The following CHST12 variants were observed in gnomAD, a reference collection of about 807,000 sequenced individuals.
The protein encoded by CHST12 is carbohydrate (chondroitin 4) sulfotransferase 12.
In CHST12, 23 loss-of-function variants were observed where a neutral mutation model predicts 27.9. The observed-to-expected ratio is 0.82, with a 90% CI of 0.59 to 1.17. The LOEUF is 1.17. Ranked by LOEUF, CHST12 falls within the 50% of genes most tolerant of loss-of-function variation. The pLI, the probability that CHST12 is intolerant of heterozygous loss-of-function variation, is 0.00. For synonymous variants in CHST12, 322 were observed against 273.0 expected (o/e 1.18, Z -1.77); for missense variants, 682 against 603.0 (o/e 1.13, Z -1.37).
chr7:2,416,870 G>A (rs1236345138), intron 1 of CHST12, among the ~76,000 whole-genome samples: 1 of 152,172 alleles, frequency 6.6e-6, no homozygotes, highest in African/African-American at 2.4e-5. Context: ...GTGGGGCAGA[G>A]TCACATACGC....
chr7:2,437,231 G>A lies in CHST12; in HGVS notation c.*3347G>A, dbSNP rs1029606948. 1 of 152,266 alleles carries A rather than the reference G, an allele frequency of 6.6e-6. No individual in the cohort carries two copies. Among genetic ancestry groups the A allele is most frequent in the African/African-American group, 2.4e-5 (1 of 41,468 alleles). The allele number at this position is 152,266 out of a possible 1,614,324, so 9.4% of individuals were successfully genotyped here. A position where few individuals can be genotyped will look rare whatever the true frequency, so the allele number is the denominator to read the frequency against. On this transcript the variant is annotated 3_prime_UTR_variant, in exon 2 of 2. Transcript: ENST00000618655. ...TCATGAGAATGACTTGGTTGGGTGC[G>A]GGGTGGTGTCACAAAGCCCTGTCTC...
At chr7:2,425,199 G>A (rs1193567884) in intron 1 of CHST12, among the ~76,000 whole-genome samples, 1 of 117,132 alleles carries the variant, frequency 8.5e-6, no homozygotes, top group Non-Finnish European at 1.6e-5. Context: ...GCAAGACTCC[G>A]TCTCAAAAAA....
At chr7:2,423,281 T>A (rs183451780) in intron 1 of CHST12, among the ~76,000 whole-genome samples, 1,764 of 150,890 alleles carry the variant, frequency 0.012, 32 homozygotes, top group African/African-American at 0.041. Context: ...TCAAAAAAAA[T>A]AAAAAAAAGT....
chr7:2,434,918 A>T lies in CHST12; in HGVS notation c.*1034A>T. On this transcript the variant is annotated 3_prime_UTR_variant, in exon 2 of 2. Transcript: ENST00000618655. ...GCTTGGGCAACATAGCAAGGACCTC[A>T]TCTCTACAAAAAATAAAAAGGACGT... 1 of 151,938 alleles carries T rather than the reference A, an allele frequency of 6.6e-6. No individual in the cohort carries two copies. The highest frequency in any genetic ancestry group is 1.5e-5 in the Non-Finnish European group (1 of 68,036). 9.4% of individuals were successfully genotyped at this position (151,938 alleles called of 1,614,324 possible).
At chr7:2,407,044 A>T (rs1425789759) in intron 1 of CHST12, among the ~76,000 whole-genome samples, 1 of 152,176 alleles carries the variant, frequency 6.6e-6, no homozygotes, top group Non-Finnish European at 1.5e-5. Flanking sequence ...ATGTAAAAAA[A>T]AAAAATAAAA....
chr7:2,403,448 G>A (rs1189880318), upstream of CHST12: 1 of 151,940 alleles, frequency 6.6e-6, no homozygotes, highest in Non-Finnish European at 1.5e-5. Flanking sequence ...GCTCGCGAGG[G>A]CGGGGGCGGG....
At chr7:2,415,365 C>CAA (rs35199658) in intron 1 of CHST12, among the ~76,000 whole-genome samples, 58 of 132,112 alleles carry the variant, frequency 4.4e-4, no homozygotes, top group Admixed American at 7.6e-4. Context: ...AACTCTGCCT[C>CAA]AAAAAAAAAA....
rs1345708332 is a variant in CHST12, at chr7:2,447,041, C to G, written c.*13157C>G. ...GCCCCTGGGTCCCAGCGATCCAGCC[C>G]TGATGTGCTGAGGGTGCAGGGCCCA... On this transcript the variant is annotated 3_prime_UTR_variant, in exon 2 of 2. Coordinates refer to ENST00000618655, the MANE Select transcript of CHST12 (RefSeq NM_018641.5). 1 of 152,306 alleles carries G rather than the reference C, an allele frequency of 6.6e-6. No individual in the cohort carries two copies. The highest frequency in any genetic ancestry group is 1.5e-5 in the Non-Finnish European group (1 of 68,108). 9.4% of individuals were successfully genotyped at this position (152,306 alleles called of 1,614,324 possible).
At chr7:2,427,336 A>T (rs1054477275) in intron 1 of CHST12, among the ~76,000 whole-genome samples, 1 of 152,066 alleles carries the variant, frequency 6.6e-6, no homozygotes, top group Non-Finnish European at 1.5e-5. Context: ...ACAACTCTAT[A>T]AAAAATTTTT....
In CHST12 at chr7:2,432,994, C is replaced by T. The variant is rs754537174; in HGVS notation, c.355C>T (p.Arg119Trp). The T allele has an allele frequency of 2.4e-5, 38 of 1,610,024 alleles. No individual in the cohort carries two copies. Among genetic ancestry groups the T allele is most frequent in the East Asian group, 6.7e-5 (3 of 44,826 alleles). Residue 119 changes from arginine (R) to tryptophan (W), a missense_variant, in exon 2 of 2, where the codon CGG becomes TGG. Transcript: ENST00000618655. ...RDARRSPDQG[R>W]QQAERRSVLR... ...CGCCCGGCGCAGCCCAGACCAGGGC[C>T]GGCAGCAGGCGGAGCGGAGGAGCGT...
chr7:2,414,835 G>T (rs1206158192), intron 1 of CHST12, among the ~76,000 whole-genome samples: 2 of 152,150 alleles, frequency 1.3e-5, no homozygotes, highest in Non-Finnish European at 2.9e-5. Flanking sequence ...TTTTCATGCA[G>T]ATATCCAGTT....
Position 2,432,756 on chromosome 7 carries a change from C to T in CHST12, c.117C>T (p.Ser39=). ...AGAAHFYLHT[S]FSRPHTGPPL... is the part of the protein sequence containing the mutation. ...CCGCGCACTTCTACTTGCACACGTCCTTCTCTAGGCCGCACACGGGGCCGC... is the reference window on the plus strand; with the variant it reads ...CCGCGCACTTCTACTTGCACACGTCTTTCTCTAGGCCGCACACGGGGCCGC... Residue 39 remains serine (S), a synonymous_variant, in exon 2 of 2, where the codon TCC becomes TCT. Coordinates refer to ENST00000618655, the MANE Select transcript of CHST12 (RefSeq NM_018641.5). The T allele has an allele frequency of 6.2e-7, 1 of 1,613,876 alleles. No individual in the cohort carries two copies. The highest frequency in any genetic ancestry group is 8.5e-7 in the Non-Finnish European group (1 of 1,179,838).
chr7:2,418,345 C>T (rs1490289916), intron 1 of CHST12, among the ~76,000 whole-genome samples: 2 of 152,226 alleles, frequency 1.3e-5, no homozygotes, highest in African/African-American at 2.4e-5. Context: ...ACACAGCCGC[C>T]GTGGAAAAGC....
rs528696369 is a variant in CHST12, at chr7:2,428,527, C to T, written c.-77-4036C>T. Reference sequence around the variant, plus strand: ...GGGGGGTGACCGCCTTCTGGTCCTGCGATGCCGCCAATGCACTGGATATAC... The same window carrying T: ...GGGGGGTGACCGCCTTCTGGTCCTGTGATGCCGCCAATGCACTGGATATAC... On this transcript the variant is annotated intron_variant, in intron 1 of 1. Coordinates refer to ENST00000618655, the MANE Select transcript of CHST12 (RefSeq NM_018641.5). Among the ~76,000 whole-genome samples the T allele has an allele frequency of 2.1e-4, 32 of 152,250 alleles. No individual in the cohort carries two copies. In the East Asian group the frequency reaches 2.1e-3, roughly 10 times the overall value.
Position 2,445,882 on chromosome 7 carries a change from G to A in CHST12, c.*11998G>A, listed in dbSNP as rs927441538. On this transcript the variant is annotated 3_prime_UTR_variant, in exon 2 of 2. Coordinates refer to ENST00000618655, the MANE Select transcript of CHST12 (RefSeq NM_018641.5). ...AAGGCCTGTTGATGGGCACGCCAGG[G>A]TTTAATGGACGGCTCTTTGAAGTCA... is the stretch of plus-strand genomic sequence containing the variant. The A allele has an allele frequency of 6.6e-6, 1 of 152,250 alleles. No homozygotes were observed. Among genetic ancestry groups the A allele is most frequent in the South Asian group, 2.1e-4 (1 of 4,832 alleles). The allele number at this position is 152,250 out of a possible 1,614,324, so 9.4% of individuals were successfully genotyped here.
Position 2,438,848 on chromosome 7 carries a change from CG to C in CHST12, c.*4967del, listed in dbSNP as rs1292287949. On this transcript the variant is annotated 3_prime_UTR_variant, in exon 2 of 2. Transcript: ENST00000618655. ...GAGCCATTGTGTCCCATGGTTGATA[CG>C]GGACGGGGCTGATTTCCTGACCTGG... is the stretch of plus-strand genomic sequence containing the variant. The C allele has an allele frequency of 2.7e-5, 4 of 146,916 alleles. No homozygotes were observed. The highest frequency in any genetic ancestry group is 1.1e-4 in the African/African-American group (4 of 36,398). The allele number at this position is 146,916 out of a possible 1,614,324, so 9.1% of individuals were successfully genotyped here.
chr7:2,424,917 C>T (rs569920869), intron 1 of CHST12, among the ~76,000 whole-genome samples: 7 of 152,136 alleles, frequency 4.6e-5, no homozygotes, highest in South Asian at 2.1e-4. Context: ...GGCAAGACCC[C>T]GCTCCAGGCC....
upstream of CHST12, chr7:2,403,561 C>T (rs1361984640): frequency 2.6e-5 from 4 of 151,334 alleles, no homozygotes; most frequent in Non-Finnish European, 5.9e-5. Flanking sequence ...GTAGGAGGGG[C>T]TCCTGCGCCG....
intron 1 of CHST12, among the ~76,000 whole-genome samples, chr7:2,419,445 G>A (rs1022417895): frequency 2.0e-5 from 3 of 149,124 alleles, no homozygotes; most frequent in African/African-American, 7.4e-5. Flanking sequence ...AGTGGCTTAC[G>A]CCTGTAATCC....
Sources: gnomAD v4.1 joint callset for allele counts (sites outside exome capture counted in the v4.1 genomes callset) on GRCh38, gnomAD v4.1.1 for gene constraint, MANE v1.5 for transcripts, NCBI Gene and HGNC (gene_info 2026-07-23, HGNC 2026-07-21) for gene names.